IQGAP1: variants seen among roughly 807,000 people sequenced by gnomAD.
IQGAP1 encodes ras GTPase-activating-like protein IQGAP1.
In IQGAP1, 66 loss-of-function variants were observed where a neutral mutation model predicts 215.6. The observed-to-expected ratio is 0.31, with a 90% confidence interval of 0.25 to 0.38. The LOEUF (loss-of-function observed/expected upper bound fraction) is 0.38. IQGAP1 is among the 10% of genes least tolerant of loss of function. The pLI is 1.00. For synonymous variants in IQGAP1, 772 were observed against 728.7 expected, an observed-to-expected ratio of 1.06 and a Z score of -0.96; for missense variants, 1,712 against 1,997.1, an observed-to-expected ratio of 0.86 and a Z score of 2.72.
intron 12 of IQGAP1, 47 bp downstream of exon 12, chr15:90,452,985 G>T (rs201994332): frequency 1.9e-6 from 3 of 1,605,000 alleles, no homozygotes; most frequent in South Asian, 2.2e-5. Flanking sequence ...TTGGGTGGAC[G>T]TGAGTGTAAT....
Position 90,486,057 on chromosome 15 carries a change from G to T in IQGAP1, c.3949G>T (p.Ala1317Ser). 6.2e-7 allele frequency: 1 copy of T among 1,613,880 alleles called. No individual in the cohort carries two copies. Among genetic ancestry groups the T allele is most frequent in the Non-Finnish European group, 8.5e-7 (1 of 1,179,914 alleles). Residue 1317 changes from alanine to serine, a missense_variant, in exon 31 of 38, where the codon GCT (alanine) becomes TCT (serine). Coordinates refer to ENST00000268182, the MANE Select transcript of IQGAP1 (RefSeq NM_003870.4). ...CCTGTTGGATCACCAGGATGCCATT[G>T]CTCCGGAGCACAATGATCCAATCCA... Reference protein sequence around the residue: ...TLLLDHQDAIAPEHNDPIHEL... With the variant: ...TLLLDHQDAISPEHNDPIHEL...
rs771080333 is a variant in IQGAP1 at position 90,485,996 on chromosome 15, A to C, written c.3922-34A>C. Reference sequence around the variant, plus strand: ...AGGGAGGGACGGGCTGAAGAGTTGAATGTATAAATGGAGTTGATCATTGGT... The same window carrying C: ...AGGGAGGGACGGGCTGAAGAGTTGACTGTATAAATGGAGTTGATCATTGGT... On this transcript the variant is annotated intron_variant, in intron 30 of 37. Transcript: ENST00000268182. The C allele has an allele frequency of 6.6e-6, 10 of 1,505,916 alleles. No individual in the cohort carries two copies. In the East Asian group the frequency reaches 1.1e-4, roughly 17 times the overall value. The allele number at this position is 1,505,916 out of a possible 1,614,324, so 93.3% of individuals were successfully genotyped here. A position where few individuals can be genotyped will look rare whatever the true frequency, so the allele number is the denominator to read the frequency against.
Position 90,453,152 on chromosome 15 carries a change from G to A in IQGAP1, c.1347G>A (p.Glu449=), listed in dbSNP as rs1162359021. 1 of 1,613,158 alleles carries A rather than the reference G, an allele frequency of 6.2e-7. No individual in the cohort carries two copies. Among genetic ancestry groups the A allele is most frequent in the Non-Finnish European group, 8.5e-7 (1 of 1,179,612 alleles). The stretch of plus-strand genomic sequence containing the variant: ...TACAGCATAATCTCACCCACCCAGA[G>A]CTCTCTGTCGCAGTGGAGATGTTGT... ...QSPEHNLTHP[E]LSVAVEMLSS... The change falls in exon 13 of 38, where the codon GAG becomes GAA. Residue 449 remains glutamate, a synonymous_variant. Coordinates refer to ENST00000268182, the MANE Select transcript of IQGAP1 (RefSeq NM_003870.4).
At chr15:90,463,474 T>C (rs1965790077) in intron 15 of IQGAP1, among the ~76,000 whole-genome samples, 3 of 152,342 alleles carry the variant, frequency 2.0e-5, no homozygotes, top group Non-Finnish European at 4.4e-5. Context: ...GCCCTCTCGC[T>C]TATGACTTCA....
At chr15:90,399,283 A>G (rs1201077728) in intron 2 of IQGAP1, among the ~76,000 whole-genome samples, 2 of 152,096 alleles carry the variant, frequency 1.3e-5, no homozygotes, top group African/African-American at 2.4e-5. Flanking sequence ...TTCAGTGGCC[A>G]TCTAATGTTC....
At chr15:90,494,238 C>T (rs1966243433) in intron 35 of IQGAP1, 1 of 152,340 alleles carries the variant, frequency 6.6e-6, no homozygotes, top group Admixed American at 6.5e-5. Flanking sequence ...GCCTCCTAAC[C>T]TGTTTCTTTT....
chr15:90,412,905 A>G (rs1177629650), intron 2 of IQGAP1, among the ~76,000 whole-genome samples: 1 of 152,176 alleles, frequency 6.6e-6, no homozygotes, highest in Non-Finnish European at 1.5e-5. Context: ...TGTATTGCAC[A>G]GAGCTGGGAA....
intron 5 of IQGAP1, among the ~76,000 whole-genome samples, chr15:90,438,893 T>G: frequency 6.6e-6 from 1 of 151,898 alleles, no homozygotes; most frequent in East Asian, 1.9e-4. Flanking sequence ...CCTGGCTAAT[T>G]TTTGTATTTT....
intron 2 of IQGAP1, among the ~76,000 whole-genome samples, chr15:90,405,744 T>TG (rs1322701515): frequency 6.6e-6 from 1 of 150,378 alleles, no homozygotes; most frequent in East Asian, 1.9e-4. Context: ...TGTTCCAGGT[T>TG]TTTTTTTTTT....
intron 5 of IQGAP1, 24 bp from the exon 6 acceptor site, chr15:90,439,307 AC>A (rs372182704): frequency 2.0e-5 from 32 of 1,603,544 alleles, no homozygotes; most frequent in Middle Eastern, 3.3e-4. Flanking sequence ...GGGAGGCCTA[AC>A]CTTTTGCATA....
intron 35 of IQGAP1, chr15:90,494,226 T>C (rs1966243212): frequency 6.6e-6 from 1 of 152,338 alleles, no homozygotes; most frequent in African/African-American, 2.4e-5. Context: ...ATTATCCTAA[T>C]AGCCTCCTAA....
At position 90,454,511 on chromosome 15, in the gene IQGAP1, G is replaced by C; in HGVS notation, c.1571G>C (p.Cys524Ser). ...EFITWNDIQA[C>S]VDHVNLVVQE... ...ATTACATGGAATGATATCCAAGCTT[G>C]CGTGGACCATGTGAACCTGGTGGTG... Residue 524 changes from cysteine to serine, a missense_variant, in exon 14 of 38, where the codon TGC (cysteine) becomes TCC (serine). Physicochemically the swap from Cys to Ser is moderately radical, Grantham distance 112. Coordinates refer to ENST00000268182, the MANE Select transcript of IQGAP1 (RefSeq NM_003870.4). 6.2e-7 allele frequency: 1 copy of C among 1,606,798 alleles called. No homozygotes were observed. The highest frequency in any genetic ancestry group is 1.3e-5 in the African/African-American group (1 of 74,608).
At chr15:90,487,837 T>G (rs1966148521) in intron 33 of IQGAP1, among the ~76,000 whole-genome samples, 1 of 152,156 alleles carries the variant, frequency 6.6e-6, no homozygotes, top group Non-Finnish European at 1.5e-5. Context: ...TATCCATCCC[T>G]TGGTATCCAC....
intron 2 of IQGAP1, among the ~76,000 whole-genome samples, chr15:90,422,673 TATATATA>T (rs1965163140): frequency 4.0e-5 from 5 of 126,372 alleles, no homozygotes; most frequent in South Asian, 2.5e-4. Context: ...TATATATATA[TATATATA>T]ATTTTTGAGA....
At chr15:90,395,313 T>G (rs111802520) in intron 2 of IQGAP1, among the ~76,000 whole-genome samples, 14 of 60,838 alleles carry the variant, frequency 2.3e-4, no homozygotes, top group East Asian at 1.6e-3. Flanking sequence ...AGGAGCGGGG[T>G]TTTTTTTGTT....
At position 90,494,713 on chromosome 15, in the gene IQGAP1, A is replaced by G; in HGVS notation, c.4629A>G (p.Lys1543=). 1.2e-6 allele frequency: 2 copies of G among 1,603,742 alleles called. No homozygotes were observed. Among genetic ancestry groups the G allele is most frequent in the Non-Finnish European group, 1.7e-6 (2 of 1,176,014 alleles). ...AAGTGACATGATGTGATTTTTACAG[A>G]GTCTCCAAAAAGCCTAGGGAAATGA... ...TCLDNLASKG[K]VSKKPREMKG... is the part of the protein sequence containing the mutation. The change falls in exon 36 of 38, where the codon AAA becomes AAG. Residue 1543 remains lysine (K), a splice_region_variant and synonymous_variant. Coordinates refer to ENST00000268182, the MANE Select transcript of IQGAP1 (RefSeq NM_003870.4).
chr15:90,499,850 T>C (rs1966318312), intron 37 of IQGAP1, 145 bp from the exon 38 acceptor site: 1 of 578,174 alleles, frequency 1.7e-6, no homozygotes, highest in African/African-American at 1.9e-5. Flanking sequence ...CGTGGAACTT[T>C]TCTTTCGCCC....
At chr15:90,408,665 T>C (rs1314612808) in intron 2 of IQGAP1, among the ~76,000 whole-genome samples, 1 of 152,186 alleles carries the variant, frequency 6.6e-6, no homozygotes, top group East Asian at 1.9e-4. Flanking sequence ...TTGTATTCTT[T>C]GTGGGCATCC....
Position 90,429,614 on chromosome 15 carries a change from CT to C in IQGAP1, c.339del (p.Asp114IlefsTer3). On this transcript the variant is annotated frameshift_variant, in exon 4 of 38. Transcript: ENST00000268182. LOFTEE classifies it high-confidence loss of function. ...YKATGLHFRH[T>X]DNVIQWLNAM... ...GCGACTGGCCTCCACTTTAGACACACTGATAATGTGATTCAGTGGTTGAATG... is the reference window on the plus strand; with the variant it reads ...GCGACTGGCCTCCACTTTAGACACACGATAATGTGATTCAGTGGTTGAATG... The C allele has an allele frequency of 6.2e-7, 1 of 1,607,690 alleles. No individual in the cohort carries two copies. Among genetic ancestry groups the C allele is most frequent in the Non-Finnish European group, 8.5e-7 (1 of 1,178,016 alleles).
Sources: allele counts gnomAD v4.1 joint callset (sites outside exome capture counted in the v4.1 genomes callset), GRCh38; gene constraint gnomAD v4.1.1; transcripts MANE v1.5; gene names NCBI Gene and HGNC (gene_info 2026-07-23, HGNC 2026-07-21).